MYRIP: variants seen among roughly 807,000 people sequenced by gnomAD.
MYRIP encodes myosin VIIA and Rab interacting protein.
A neutral mutation model predicts 98.0 loss-of-function variants in MYRIP; 49 were observed. That is an observed-to-expected ratio of 0.50 (90% CI 0.40 to 0.63). MYRIP has a LOEUF of 0.63. Among genes scored for constraint, MYRIP ranks in the 30% least tolerant of loss-of-function variants. The pLI is 0.00. For missense variants in MYRIP, 1,004 were observed against 1,058.2 expected, an observed-to-expected ratio of 0.95 and a Z score of 0.71; for synonymous variants, 404 against 409.5, an observed-to-expected ratio of 0.99 and a Z score of 0.16.
At chr3:40,187,548 T>A (rs914466458) in intron 9 of MYRIP, among the ~76,000 whole-genome samples, 6 of 152,170 alleles carry the variant, frequency 3.9e-5, no homozygotes, top group Non-Finnish European at 7.4e-5. Flanking sequence ...TTTTCACCAG[T>A]CAGAGAACCG....
chr3:39,897,513 G>T (rs1200831266), intron 1 of MYRIP, among the ~76,000 whole-genome samples: 1 of 152,104 alleles, frequency 6.6e-6, no homozygotes, highest in African/African-American at 2.4e-5. Context: ...AGAAATCAAG[G>T]GGTAGGGGCA....
At chr3:40,018,068 C>A (rs1661069037) in intron 2 of MYRIP, among the ~76,000 whole-genome samples, 1 of 152,176 alleles carries the variant, frequency 6.6e-6, no homozygotes. Flanking sequence ...AATCATAGTT[C>A]AGCAAGATGT....
Position 40,258,163 on chromosome 3 carries a change from C to G in MYRIP, c.2577C>G (p.Tyr859Ter), listed in dbSNP as rs1436781925. The G allele has an allele frequency of 6.2e-7, 1 of 1,614,036 alleles. No homozygotes were observed. The highest frequency in any genetic ancestry group is 1.3e-5 in the African/African-American group (1 of 74,922). ...MEPALESAVM[Y>*] ...CTGCTCTGGAGTCAGCTGTGATGTA[C>G]TGACACCATGGAATTCCACTGCCAG... Residue 859 changes from tyrosine (Y) to a stop codon, truncating the protein, a stop_gained, in exon 17 of 17, where the codon TAC (tyrosine) becomes TAG (stop). Coordinates refer to ENST00000302541, the MANE Select transcript of MYRIP (RefSeq NM_015460.4). LOFTEE classifies it high-confidence loss of function.
In MYRIP at chr3:40,258,395, G is replaced by A; in HGVS notation, c.*229G>A. The A allele has an allele frequency of 2.1e-6, 1 of 486,792 alleles. No individual in the cohort carries two copies. Among genetic ancestry groups the A allele is most frequent in the East Asian group, 2.9e-5 (1 of 34,150 alleles). 30.2% of individuals were successfully genotyped at this position (486,792 alleles called of 1,614,324 possible). ...GCCTTAGGCTCCCAGGGGAATCCAA[G>A]ACAGAAAATGAAGACACTGGCTTCC... On this transcript the variant is annotated 3_prime_UTR_variant, in exon 17 of 17. Coordinates refer to ENST00000302541, the MANE Select transcript of MYRIP (RefSeq NM_015460.4).
intron 1 of MYRIP, among the ~76,000 whole-genome samples, chr3:39,885,404 A>G (rs1468009975): frequency 6.6e-6 from 1 of 152,044 alleles, no homozygotes; most frequent in African/African-American, 2.4e-5. Flanking sequence ...GGGTAACCCA[A>G]CCTTTCTCTC....
intron 2 of MYRIP, among the ~76,000 whole-genome samples, chr3:39,945,017 A>T (rs1944868370): frequency 6.6e-6 from 1 of 152,058 alleles, no homozygotes; most frequent in Admixed American, 6.6e-5. Flanking sequence ...GTTTCCTAAG[A>T]TCTTGACTGG....
At chr3:39,889,699 T>C (rs1485007944) in intron 1 of MYRIP, among the ~76,000 whole-genome samples, 1 of 151,974 alleles carries the variant, frequency 6.6e-6, no homozygotes, top group African/African-American at 2.4e-5. Context: ...AAAAAGACAA[T>C]TTTTTCCTCA....
At chr3:40,252,822 G>A (rs895874905) in intron 16 of MYRIP, among the ~76,000 whole-genome samples, 1 of 152,116 alleles carries the variant, frequency 6.6e-6, no homozygotes, top group African/African-American at 2.4e-5. Context: ...AAGTTTAACT[G>A]TTAGTCTAAA....
At position 40,212,115 on chromosome 3, in the gene MYRIP, T is replaced by C. The variant is rs13071201; in HGVS notation, c.1905+2022T>C. ...ATATATGTGTGTGTGTATATATATA[T>C]ACATATATATACGTGTATATATATA... On this transcript the variant is annotated intron_variant, in intron 11 of 16. Transcript: ENST00000302541. Among the ~76,000 whole-genome samples the C allele has an allele frequency of 6.0e-4, 76 of 127,088 alleles. 5 individuals carry two copies. Among genetic ancestry groups the C allele is most frequent in the African/African-American group, 1.8e-3 (63 of 35,680 alleles). 83.4% of individuals were successfully genotyped at this position (127,088 alleles called of 152,430 possible). A position where few individuals can be genotyped will look rare whatever the true frequency, so the allele number is the denominator to read the frequency against.
chr3:40,204,146 A>AT (rs1951713032), intron 10 of MYRIP, among the ~76,000 whole-genome samples: 7 of 32,514 alleles, frequency 2.2e-4, no homozygotes, highest in East Asian at 1.2e-3. Flanking sequence ...ATATTATATA[A>AT]TATATAAATA....
chr3:40,142,273 G>C (rs545529107), intron 3 of MYRIP, among the ~76,000 whole-genome samples: 2 of 151,748 alleles, frequency 1.3e-5, no homozygotes, highest in African/African-American at 2.4e-5. Flanking sequence ...GGCTGGTCTC[G>C]AACTCCCGAC....
At chr3:39,970,887 T>C (rs1406579905) in intron 2 of MYRIP, among the ~76,000 whole-genome samples, 1 of 152,080 alleles carries the variant, frequency 6.6e-6, no homozygotes, top group Non-Finnish European at 1.5e-5. Context: ...CATATGTTCT[T>C]AGTTGAAACA....
chr3:39,862,018 C>A (rs1253151292), intron 1 of MYRIP, among the ~76,000 whole-genome samples: 1 of 151,932 alleles, frequency 6.6e-6, no homozygotes, highest in Admixed American at 6.6e-5. Flanking sequence ...CACAAGAAGG[C>A]CATCCCCAAG....
intron 1 of MYRIP, among the ~76,000 whole-genome samples, chr3:39,833,107 G>A (rs1362047550): frequency 6.6e-6 from 1 of 152,116 alleles, no homozygotes; most frequent in Non-Finnish European, 1.5e-5. Context: ...GAGATAAAGT[G>A]TTTAGTGAAA....
chr3:40,156,938 A>C (rs1950257038), intron 4 of MYRIP, among the ~76,000 whole-genome samples: 2 of 152,304 alleles, frequency 1.3e-5, no homozygotes, highest in Non-Finnish European at 2.9e-5. Flanking sequence ...TGTCATCTGC[A>C]AACAGGGACA....
At chr3:39,865,883 C>T (rs1280683481) in intron 1 of MYRIP, among the ~76,000 whole-genome samples, 16 of 152,074 alleles carry the variant, frequency 1.1e-4, no homozygotes, top group Non-Finnish European at 1.8e-4. Context: ...ATGTTCATTG[C>T]GGTACTGTCC....
intron 1 of MYRIP, among the ~76,000 whole-genome samples, chr3:39,813,147 C>G (rs1214820107): frequency 6.6e-6 from 1 of 152,208 alleles, no homozygotes; most frequent in Non-Finnish European, 1.5e-5. Context: ...ATTCCGAAGG[C>G]TGGTATCTCT....
At chr3:40,155,904 A>G (rs1454429568) in intron 4 of MYRIP, among the ~76,000 whole-genome samples, 1 of 150,998 alleles carries the variant, frequency 6.6e-6, no homozygotes, top group African/African-American at 2.4e-5. Flanking sequence ...CCTTTGTCAG[A>G]TGAGTAGGTT....
rs1382802716 is a variant in MYRIP at position 40,250,457 on chromosome 3, T to A, written c.2386T>A (p.Ser796Thr). ...QRTQVQTIDT[S>T]RQQRRKLPAP... Reference sequence around the variant, plus strand: ...TTTGTAGGTACAAACCATAGATACATCAAGGCAGCAAAGGAGGAAACTGCC... The same window carrying A: ...TTTGTAGGTACAAACCATAGATACAACAAGGCAGCAAAGGAGGAAACTGCC... Residue 796 changes from serine to threonine, a missense_variant, in exon 15 of 17, where the codon TCA (serine) becomes ACA (threonine). Physicochemically the swap from Ser to Thr is moderately conservative, Grantham distance 58. Around this residue, in one of 3 missense-constraint regions of MYRIP, gnomAD observed 108 missense variants for 111.1 expected, o/e 0.97. Transcript: ENST00000302541. 6.2e-7 allele frequency: 1 copy of A among 1,614,090 alleles called. No homozygotes were observed. The highest frequency in any genetic ancestry group is 8.5e-7 in the Non-Finnish European group (1 of 1,180,038).
Sources: gnomAD v4.1 joint callset for allele counts (sites outside exome capture counted in the v4.1 genomes callset) on GRCh38, gnomAD v4.1.1 for gene constraint, gnomAD v4.1.1 regional missense constraint, MANE v1.5 for transcripts, NCBI Gene and HGNC (gene_info 2026-07-23, HGNC 2026-07-21) for gene names.